OSBPL9: variants seen among roughly 807,000 people sequenced by gnomAD.
OSBPL9 encodes the protein oxysterol binding protein like 9.
A neutral mutation model predicts 106.6 loss-of-function variants in OSBPL9; 40 were observed. The ratio of observed to expected loss-of-function variants is 0.38; its 90% CI spans 0.29 to 0.49. The LOEUF (loss-of-function observed/expected upper bound fraction) is 0.49. OSBPL9 is among the 20% of genes least tolerant of loss of function. The pLI is 0.97. For missense variants in OSBPL9, 609 were observed against 887.2 expected, an observed-to-expected ratio of 0.69 and a Z score of 3.98; for synonymous variants, 269 against 295.4, an observed-to-expected ratio of 0.91 and a Z score of 0.92.
At chr1:51,724,095 C>T (rs921768569) in intron 4 of OSBPL9, among the ~76,000 whole-genome samples, 1 of 151,872 alleles carries the variant, frequency 6.6e-6, no homozygotes, top group Non-Finnish European at 1.5e-5. Context: ...TACAGGAGTG[C>T]GCCACCACGC....
At position 51,662,962 on chromosome 1, in the gene OSBPL9, T is replaced by A. The variant is rs1407946194; in HGVS notation, c.163-6472T>A. ...GGTTTCACCGTGTTAGCCAGGATGG[T>A]CTTGATCACCTGACCTCATGATCTG... On this transcript the variant is annotated intron_variant, in intron 2 of 23. Transcript: ENST00000428468. 1.9e-4 allele frequency among the ~76,000 whole-genome samples: 29 copies of A among 152,180 alleles called. 1 individual carries two copies. The highest frequency in any genetic ancestry group is 1.5e-5 in the Non-Finnish European group (1 of 67,996).
intron 3 of OSBPL9, among the ~76,000 whole-genome samples, chr1:51,712,473 C>CTACTATAT (rs1660276647): frequency 5.3e-5 from 8 of 152,174 alleles, no homozygotes. Flanking sequence ...CTTTGACTTA[C>CTACTATAT]TGTCTTTTGT....
chr1:51,776,854 C>T lies in OSBPL9; in HGVS notation c.1192C>T (p.Leu398Phe), dbSNP rs1411631377. 1 of 1,607,206 alleles carries T rather than the reference C, an allele frequency of 6.2e-7. No homozygotes were observed. Among genetic ancestry groups the T allele is most frequent in the South Asian group, 1.1e-5 (1 of 90,700 alleles). Residue 398 changes from leucine to phenylalanine, a missense_variant, in exon 15 of 24, where the codon CTT (leucine) becomes TTT (phenylalanine). By Grantham distance (22) the Leu-to-Phe change is conservative. This residue lies in a region of OSBPL9 where 356 missense variants were observed against 505.8 expected (regional missense o/e 0.70). Transcript: ENST00000428468. ...LTKVVLPTFI[L>F]ERRSLLEMYA... ...TCAGGTAGTTCTTCCAACGTTTATT[C>T]TTGAAAGAAGATCTCTTTTAGAAAT... is the stretch of plus-strand genomic sequence containing the variant.
intron 3 of OSBPL9, among the ~76,000 whole-genome samples, chr1:51,683,212 C>T (rs1258163222): frequency 6.6e-6 from 1 of 151,544 alleles, no homozygotes; most frequent in African/African-American, 2.4e-5. Context: ...TGGAGTTTCG[C>T]TCTTGTTGCC....
the OSBPL9 span, among the ~76,000 whole-genome samples, chr1:51,548,543 C>T: frequency 2.6e-5 from 4 of 151,666 alleles, no homozygotes; most frequent in African/African-American, 4.8e-5. Flanking sequence ...ACATGCTCCA[C>T]GATGCCCAGC....
chr1:51,582,990 G>C (rs1407550167), intron 1 of OSBPL9: 2 of 152,108 alleles, frequency 1.3e-5, no homozygotes, highest in African/African-American at 4.8e-5. Flanking sequence ...TTTGGGGACT[G>C]GGGTGGGAGG....
At chr1:51,713,953 T>A in intron 3 of OSBPL9, 50 bp from the exon 4 acceptor site, 6 of 1,356,632 alleles carry the variant, frequency 4.4e-6, no homozygotes, top group Non-Finnish European at 6.1e-6. Context: ...AATATGGAGA[T>A]ATATTATAGA....
the OSBPL9 span, among the ~76,000 whole-genome samples, chr1:51,547,200 A>C: frequency 6.6e-6 from 1 of 152,218 alleles, no homozygotes; most frequent in Non-Finnish European, 1.5e-5. Context: ...GCATTAAAAT[A>C]TTTATTGTGT....
chr1:51,625,460 A>G (rs1318290645), intron 1 of OSBPL9, among the ~76,000 whole-genome samples: 1 of 152,192 alleles, frequency 6.6e-6, no homozygotes, highest in African/African-American at 2.4e-5. Context: ...ATACAGACAA[A>G]GAAATGGCCA....
chr1:51,623,382 A>G (rs548472909), intron 1 of OSBPL9, among the ~76,000 whole-genome samples: 56 of 152,354 alleles, frequency 3.7e-4, no homozygotes, highest in African/African-American at 1.3e-3. Flanking sequence ...CGCAAGGAGT[A>G]TAGTAAAGAT....
At chr1:51,690,063 G>A (rs1323996097) in intron 3 of OSBPL9, among the ~76,000 whole-genome samples, 1 of 152,032 alleles carries the variant, frequency 6.6e-6, no homozygotes, top group East Asian at 1.9e-4. Context: ...TTATATTAAT[G>A]TATCTTAAAG....
chr1:51,530,195 A>AAAAAAAAAAAAAAC, the OSBPL9 span, among the ~76,000 whole-genome samples: 1 of 128,196 alleles, frequency 7.8e-6, no homozygotes, highest in Non-Finnish European at 1.7e-5. Context: ...AAAAAAAACA[A>AAAAAAAAAAAAAAC]AAAAAAAAAA....
At chr1:51,613,343 T>C (rs569972669), upstream of OSBPL9, among the ~76,000 whole-genome samples, 1 of 152,300 alleles carries the variant, frequency 6.6e-6, no homozygotes, top group East Asian at 1.9e-4. Flanking sequence ...CTATAGGAAG[T>C]GTATAGTGTG....
chr1:51,534,387 T>C, the OSBPL9 span, among the ~76,000 whole-genome samples: 1 of 152,228 alleles, frequency 6.6e-6, no homozygotes, highest in Non-Finnish European at 1.5e-5. Flanking sequence ...GATAATGTTG[T>C]TTCTTTCCAA....
At chr1:51,770,553 C>T (rs1225330723) in intron 12 of OSBPL9, among the ~76,000 whole-genome samples, 1 of 152,224 alleles carries the variant, frequency 6.6e-6, no homozygotes, top group Non-Finnish European at 1.5e-5. Context: ...GTTGGAATTA[C>T]AGGCGTGAGC....
the OSBPL9 span, among the ~76,000 whole-genome samples, chr1:51,560,714 T>A: frequency 2.6e-5 from 4 of 152,190 alleles, no homozygotes; most frequent in East Asian, 7.7e-4. Context: ...AAGGCTGGCG[T>A]ATTGGTCCCC....
chr1:51,767,942 T>TG (rs1325734326), intron 12 of OSBPL9, among the ~76,000 whole-genome samples: 1 of 124,850 alleles, frequency 8.0e-6, no homozygotes, highest in Non-Finnish European at 1.6e-5. Context: ...CCGTCTTTTT[T>TG]TTTTTTTTTT....
At chr1:51,673,333 G>A (rs533732787) in intron 3 of OSBPL9, among the ~76,000 whole-genome samples, 1 of 152,328 alleles carries the variant, frequency 6.6e-6, no homozygotes, top group South Asian at 2.1e-4. Flanking sequence ...TAGGAGTGGA[G>A]ACAGTGCATT....
At chr1:51,719,924 G>T (rs914100825) in intron 4 of OSBPL9, among the ~76,000 whole-genome samples, 2 of 152,194 alleles carry the variant, frequency 1.3e-5, no homozygotes, top group African/African-American at 4.8e-5. Flanking sequence ...CATCGTTAGG[G>T]TATAGATTCT....
Sources: allele counts gnomAD v4.1 joint callset (sites outside exome capture counted in the v4.1 genomes callset), GRCh38; gene constraint gnomAD v4.1.1; regional missense constraint gnomAD v4.1.1; transcripts MANE v1.5; gene names NCBI Gene and HGNC (gene_info 2026-07-23, HGNC 2026-07-21).